Variants in LIPC observed in about 807,000 individuals in gnomAD.
LIPC encodes lipase C, hepatic type, also known as hepatic triacylglycerol lipase.
Under a neutral mutation model 50.7 loss-of-function variants are expected in LIPC, and 44 were observed. The ratio of observed to expected loss-of-function variants is 0.87; its 90% confidence interval spans 0.68 to 1.11. The LOEUF is 1.11. Ranked by LOEUF, LIPC falls within the 50% of genes most tolerant of loss-of-function variation. The pLI, the probability that LIPC is intolerant of heterozygous loss-of-function variation, is 0.00. For missense variants in LIPC, 697 were observed against 648.2 expected (o/e 1.08, Z -0.82); for synonymous variants, 271 against 256.4 (o/e 1.06, Z -0.54).
chr15:58,509,180 A>T (rs1892255978), intron 1 of LIPC, among the ~76,000 whole-genome samples: 1 of 152,218 alleles, frequency 6.6e-6, no homozygotes, highest in African/African-American at 2.4e-5. Flanking sequence ...ACATCAATCC[A>T]CTGTGAATGG....
chr15:58,498,556 C>T (rs1326482439), intron 1 of LIPC: 3 of 152,130 alleles, frequency 2.0e-5, no homozygotes, highest in Non-Finnish European at 4.4e-5. Context: ...GCTAAAACTT[C>T]ACGGGTAGAC....
chr15:58,530,239 T>A (rs1892916815), intron 1 of LIPC, among the ~76,000 whole-genome samples: 1 of 152,178 alleles, frequency 6.6e-6, no homozygotes, highest in African/African-American at 2.4e-5. Flanking sequence ...CCCTTGGCCA[T>A]CTCCGGCCTG....
intron 1 of LIPC, chr15:58,498,728 C>G (rs1212721174): frequency 1.3e-5 from 2 of 152,206 alleles, no homozygotes; most frequent in African/African-American, 4.8e-5. Context: ...CCATCTGATA[C>G]TGTGGAAGAA....
chr15:58,438,690 A>G (rs12914035), intron 1 of LIPC, among the ~76,000 whole-genome samples: 16,096 of 152,128 alleles, frequency 0.11, 1,126 homozygotes, highest in South Asian at 0.17. Context: ...CAGGGCGCCC[A>G]CCCGGCTGCC....
chr15:58,451,128 G>C (rs1460726539), intron 1 of LIPC, among the ~76,000 whole-genome samples: 3 of 152,198 alleles, frequency 2.0e-5, no homozygotes, highest in African/African-American at 7.2e-5. Context: ...ATTACTTGGA[G>C]GCATGTATCC....
intron 6 of LIPC, among the ~76,000 whole-genome samples, chr15:58,554,552 T>G (rs1893866840): frequency 3.4e-5 from 1 of 29,246 alleles, no homozygotes; most frequent in South Asian, 2.7e-3. Context: ...TTTCTTTTCT[T>G]CCTTTTTTTT....
At position 58,536,855 on chromosome 15, in the gene LIPC, C is replaced by T. The variant is rs545572503; in HGVS notation, c.89-1478C>T. On this transcript the variant is annotated intron_variant, in intron 1 of 8. Coordinates refer to ENST00000299022, the MANE Select transcript of LIPC (RefSeq NM_000236.3). ...AATTAATAACCTTTTGAGTTAATACCCTTTGGGTAGGAAAATTGGTTTCAT... is the reference window on the plus strand; with the variant it reads ...AATTAATAACCTTTTGAGTTAATACTCTTTGGGTAGGAAAATTGGTTTCAT... Among the ~76,000 whole-genome samples, 3 of 152,224 alleles carry T rather than the reference C, an allele frequency of 2.0e-5. No homozygotes were observed. The East Asian group carries it at 5.8e-4, about 29-fold the overall frequency.
At chr15:58,506,817 G>C (rs149917567) in intron 1 of LIPC, among the ~76,000 whole-genome samples, 1,660 of 152,260 alleles carry the variant, frequency 0.011, 11 homozygotes, top group Middle Eastern at 0.017. Context: ...TGCTAATAAA[G>C]ACATATTTGA....
At chr15:58,563,197 A>G (rs1248089351) in intron 7 of LIPC, among the ~76,000 whole-genome samples, 2 of 152,230 alleles carry the variant, frequency 1.3e-5, no homozygotes, top group South Asian at 2.1e-4. Context: ...CTGTCTCCAC[A>G]GCGGCTTCTT....
intron 1 of LIPC, among the ~76,000 whole-genome samples, chr15:58,445,320 G>C (rs1306227887): frequency 6.6e-6 from 1 of 152,218 alleles, no homozygotes; most frequent in African/African-American, 2.4e-5. Flanking sequence ...CCCCAAACCT[G>C]CTCCCTCTGG....
At chr15:58,537,072 T>C (rs538447310) in intron 1 of LIPC, among the ~76,000 whole-genome samples, 4 of 152,340 alleles carry the variant, frequency 2.6e-5, no homozygotes, top group Non-Finnish European at 5.9e-5. Flanking sequence ...TGTCTGCTCC[T>C]CAGCCGCAGG....
chr15:58,507,119 G>A (rs898882925), intron 1 of LIPC, among the ~76,000 whole-genome samples: 1 of 152,138 alleles, frequency 6.6e-6, no homozygotes, highest in Non-Finnish European at 1.5e-5. Context: ...GGGATTATGG[G>A]AACTACAATT....
rs192144624 is a variant in LIPC, at chr15:58,561,620, A to C, written c.1169+639A>C. On this transcript the variant is annotated intron_variant, in intron 7 of 8. Coordinates refer to ENST00000299022, the MANE Select transcript of LIPC (RefSeq NM_000236.3). ...GAAGGGAATTCTCTACAGAATGTAG[A>C]TTTTCCCACCACAAGACAGCTGTTC... is the stretch of plus-strand genomic sequence containing the variant. Among the ~76,000 whole-genome samples, 5 of 152,330 alleles carry C rather than the reference A, an allele frequency of 3.3e-5. No homozygotes were observed. In the East Asian group the frequency reaches 9.6e-4, roughly 29 times the overall value.
At chr15:58,543,833 G>T (rs1429202918) in intron 4 of LIPC, among the ~76,000 whole-genome samples, 1 of 151,982 alleles carries the variant, frequency 6.6e-6, no homozygotes, top group Non-Finnish European at 1.5e-5. Flanking sequence ...TATTGGTCAG[G>T]CTGGTCTCGA....
chr15:58,458,364 C>A (rs553256460), intron 1 of LIPC, among the ~76,000 whole-genome samples: 2 of 152,180 alleles, frequency 1.3e-5, no homozygotes, highest in Admixed American at 1.3e-4. Context: ...TCCCCCACCA[C>A]GTCCTTCTAC....
chr15:58,505,424 A>G (rs771242678), intron 1 of LIPC, among the ~76,000 whole-genome samples: 29 of 152,226 alleles, frequency 1.9e-4, no homozygotes, highest in Non-Finnish European at 3.1e-4. Context: ...ATACAAAAAA[A>G]TGTTGACAAC....
At chr15:58,542,756 T>A (rs1893378595) in intron 4 of LIPC, 105 bp downstream of exon 4, 2 of 770,352 alleles carry the variant, frequency 2.6e-6, no homozygotes, top group East Asian at 5.2e-5. Context: ...CAACACTTAT[T>A]GTGAGGGATC....
At chr15:58,483,241 C>A (rs1427653018) in intron 1 of LIPC, among the ~76,000 whole-genome samples, 2 of 152,190 alleles carry the variant, frequency 1.3e-5, no homozygotes, top group African/African-American at 4.8e-5. Context: ...ATAACCCTCC[C>A]TCTGTCAAAC....
intron 1 of LIPC, among the ~76,000 whole-genome samples, chr15:58,471,303 A>C (rs1382450974): frequency 1.1e-5 from 1 of 92,152 alleles, no homozygotes; most frequent in Admixed American, 1.3e-4. Flanking sequence ...TGCCTAGCTA[A>C]TTTTTTTTGT....
Sources: allele counts gnomAD v4.1 joint callset (sites outside exome capture counted in the v4.1 genomes callset), GRCh38; gene constraint gnomAD v4.1.1; transcripts MANE v1.5; gene names NCBI Gene and HGNC (gene_info 2026-07-23, HGNC 2026-07-21).